Variants in GRM5 observed in about 807,000 individuals in gnomAD.
GRM5 encodes the protein metabotropic glutamate receptor 5.
GRM5 carries 19 observed loss-of-function variants against 83.1 expected under a neutral mutation model. The observed-to-expected ratio is 0.23, with a 90% CI of 0.16 to 0.34. GRM5 has a LOEUF of 0.34. Among genes scored for constraint, GRM5 ranks in the 10% least tolerant of loss-of-function variants. The pLI, the probability that GRM5 is intolerant of heterozygous loss-of-function variation, is 1.00. For synonymous variants in GRM5, 675 were observed against 633.6 expected (o/e 1.07, Z -0.98); for missense variants, 1,160 against 1,588.3 (o/e 0.73, Z 4.58).
At chr11:88,708,031 T>C (rs1941200548) in intron 3 of GRM5, among the ~76,000 whole-genome samples, 1 of 152,090 alleles carries the variant, frequency 6.6e-6, no homozygotes, top group African/African-American at 2.4e-5. Context: ...TTTCCTCAGT[T>C]TTCTTTATAT....
At position 88,933,270 on chromosome 11, in the gene GRM5, TCTAA is replaced by T. The variant is rs370364594; in HGVS notation, c.662-83119_662-83116del. 3.1e-3 allele frequency among the ~76,000 whole-genome samples: 394 copies of T among 129,142 alleles called. 1 individual carries two copies. The highest frequency in any genetic ancestry group is 5.9e-3 in the Admixed American group (58 of 9,898). 84.7% of individuals were successfully genotyped at this position (129,142 alleles called of 152,430 possible). On this transcript the variant is annotated intron_variant, in intron 2 of 9. Coordinates refer to ENST00000305447, the MANE Select transcript of GRM5 (RefSeq NM_001143831.3). The stretch of plus-strand genomic sequence containing the variant: ...GTGTTATCCTTCTCCTCAAGTAACA[TCTAA>T]CTAAGTGCAGAGTTCATAATTAAAA...
intron 3 of GRM5, among the ~76,000 whole-genome samples, chr11:88,747,214 C>T (rs1942163295): frequency 6.6e-6 from 1 of 152,150 alleles, no homozygotes; most frequent in South Asian, 2.1e-4. Context: ...AAAAACACAG[C>T]TCATTTTTCC....
intron 3 of GRM5, among the ~76,000 whole-genome samples, chr11:88,772,210 T>C (rs1190552405): frequency 6.6e-6 from 1 of 152,020 alleles, no homozygotes; most frequent in African/African-American, 2.4e-5. Context: ...TCAGGACTAA[T>C]ATGTGATTGG....
intron 3 of GRM5, among the ~76,000 whole-genome samples, chr11:88,755,699 T>C (rs190917946): frequency 1.3e-5 from 2 of 152,266 alleles, no homozygotes; most frequent in Admixed American, 6.5e-5. Flanking sequence ...CTCTATGATC[T>C]TTAAGTAGTT....
intron 1 of GRM5, among the ~76,000 whole-genome samples, chr11:89,065,313 G>C (rs3016203): frequency 0.1 from 14,983 of 142,930 alleles, 760 homozygotes; most frequent in Middle Eastern, 0.17. Flanking sequence ...CACACACACA[G>C]ACAGAGGGAG....
intron 2 of GRM5, among the ~76,000 whole-genome samples, chr11:88,876,894 A>G (rs1944863904): frequency 6.6e-6 from 1 of 152,142 alleles, no homozygotes; most frequent in Non-Finnish European, 1.5e-5. Flanking sequence ...TAAAAAAAGA[A>G]TGAAATGGTG....
At chr11:88,590,780 C>A in intron 6 of GRM5, 53 bp from the exon 7 acceptor site, 1 of 1,438,928 alleles carries the variant, frequency 6.9e-7, no homozygotes, top group Non-Finnish European at 9.7e-7. Flanking sequence ...AAAAATCCAA[C>A]AATTCTATAT....
intron 8 of GRM5, among the ~76,000 whole-genome samples, chr11:88,527,795 T>C (rs1591325024): frequency 1.3e-5 from 2 of 152,254 alleles, no homozygotes; most frequent in East Asian, 3.9e-4. Flanking sequence ...TACACATGAA[T>C]AGCACAGGAG....
chr11:88,874,828 G>A (rs1405001925), intron 2 of GRM5, among the ~76,000 whole-genome samples: 2 of 151,876 alleles, frequency 1.3e-5, no homozygotes, highest in Non-Finnish European at 2.9e-5. Context: ...GCATATAAAA[G>A]TTATAATACC....
At chr11:88,889,300 C>T (rs970005660) in intron 2 of GRM5, among the ~76,000 whole-genome samples, 4 of 152,020 alleles carry the variant, frequency 2.6e-5, no homozygotes, top group African/African-American at 4.8e-5. Flanking sequence ...AACCAGGTGC[C>T]TCCCAAAGTT....
intron 2 of GRM5, among the ~76,000 whole-genome samples, chr11:88,977,008 T>C (rs1477543650): frequency 6.6e-6 from 1 of 151,834 alleles, no homozygotes; most frequent in Non-Finnish European, 1.5e-5. Flanking sequence ...AATTTTCTAA[T>C]AGATCATATA....
chr11:88,821,515 G>A (rs1046831976), intron 3 of GRM5, among the ~76,000 whole-genome samples: 3 of 151,978 alleles, frequency 2.0e-5, no homozygotes, highest in African/African-American at 7.2e-5. Flanking sequence ...TAGTTTCTCT[G>A]TTCCTTCTCC....
At chr11:88,786,192 C>T (rs1214351039) in intron 3 of GRM5, among the ~76,000 whole-genome samples, 10 of 151,986 alleles carry the variant, frequency 6.6e-5, no homozygotes, top group African/African-American at 1.7e-4. Context: ...ATCCATAAGA[C>T]GTAGCAGCAG....
At chr11:89,024,314 C>T (rs1308551262) in intron 2 of GRM5, among the ~76,000 whole-genome samples, 1 of 152,216 alleles carries the variant, frequency 6.6e-6, no homozygotes, top group Non-Finnish European at 1.5e-5. Flanking sequence ...AGACAGCTAG[C>T]CCTGCCGGGC....
chr11:88,849,145 A>T (rs1011238031), intron 3 of GRM5, among the ~76,000 whole-genome samples: 1 of 151,070 alleles, frequency 6.6e-6, no homozygotes. Context: ...TCATATGTGT[A>T]TATATATATA....
chr11:88,684,505 G>A (rs1361507063), intron 3 of GRM5, among the ~76,000 whole-genome samples: 1 of 152,202 alleles, frequency 6.6e-6, no homozygotes, highest in Non-Finnish European at 1.5e-5. Context: ...GATGTGCGGA[G>A]TTATAAATAG....
chr11:88,802,884 A>T (rs1943426435), intron 3 of GRM5, among the ~76,000 whole-genome samples: 1 of 151,628 alleles, frequency 6.6e-6, no homozygotes, highest in African/African-American at 2.4e-5. Flanking sequence ...ATTCTTATAC[A>T]CCAATAACAG....
intron 2 of GRM5, among the ~76,000 whole-genome samples, chr11:89,014,860 T>C (rs1342746209): frequency 6.6e-6 from 1 of 152,210 alleles, no homozygotes; most frequent in Non-Finnish European, 1.5e-5. Flanking sequence ...TTAAAAGCTT[T>C]GCTTCAATTA....
intron 2 of GRM5, among the ~76,000 whole-genome samples, chr11:88,935,534 A>G (rs1379050701): frequency 6.6e-6 from 1 of 151,850 alleles, no homozygotes; most frequent in Non-Finnish European, 1.5e-5. Flanking sequence ...AGCAACTGTG[A>G]TTCTAAATAG....
Sources: gnomAD v4.1 joint callset for allele counts (sites outside exome capture counted in the v4.1 genomes callset) on GRCh38, gnomAD v4.1.1 for gene constraint, MANE v1.5 for transcripts, NCBI Gene and HGNC (gene_info 2026-07-23, HGNC 2026-07-21) for gene names.